The following CHODL variants were observed in gnomAD, a reference collection of about 807,000 sequenced individuals.
CHODL encodes chondrolectin, also known as transmembrane protein MT75.
CHODL carries 29 observed loss-of-function variants against 34.5 expected under a neutral mutation model. The observed-to-expected ratio is 0.84, with a 90% CI of 0.63 to 1.15. The LOEUF (loss-of-function observed/expected upper bound fraction) is 1.15. Among genes scored for constraint, CHODL ranks in the 50% most tolerant of loss-of-function variants. CHODL has a pLI of 0.00. For missense variants in CHODL, 332 were observed against 332.5 expected, an observed-to-expected ratio of 1.00 and a Z score of 0.01; for synonymous variants, 125 against 116.1, an observed-to-expected ratio of 1.08 and a Z score of -0.49.
intron 1 of CHODL, among the ~76,000 whole-genome samples, chr21:18,018,480 G>C (rs1334371483): frequency 1.3e-5 from 2 of 152,012 alleles, no homozygotes; most frequent in African/African-American, 2.4e-5. Flanking sequence ...AGAAGTGTGT[G>C]GCACCTTCAC....
At chr21:18,052,488 G>A (rs2064528042) in intron 2 of CHODL, among the ~76,000 whole-genome samples, 1 of 151,806 alleles carries the variant, frequency 6.6e-6, no homozygotes, top group Admixed American at 6.6e-5. Flanking sequence ...AAAACATTTT[G>A]ATAGTTCCTT....
intron 1 of CHODL, among the ~76,000 whole-genome samples, chr21:17,996,865 T>A (rs1600872122): frequency 6.6e-6 from 1 of 152,272 alleles, no homozygotes; most frequent in South Asian, 2.1e-4. Flanking sequence ...AACCTGAAAA[T>A]TTTAAATTTA....
chr21:18,206,961 G>A (rs1047093762), intron 2 of CHODL, among the ~76,000 whole-genome samples: 7 of 151,804 alleles, frequency 4.6e-5, no homozygotes, highest in Non-Finnish European at 8.8e-5. Context: ...AGGTATACAT[G>A]TGCCATGTTG....
intron 2 of CHODL, among the ~76,000 whole-genome samples, chr21:18,232,728 T>C (rs2073991314): frequency 1.3e-5 from 2 of 151,980 alleles, no homozygotes; most frequent in South Asian, 4.1e-4. Flanking sequence ...TATTTGGCTG[T>C]GTGATGGCTG....
intron 5 of CHODL, among the ~76,000 whole-genome samples, chr21:18,264,544 G>C (rs2074425288): frequency 6.7e-6 from 1 of 148,614 alleles, no homozygotes. Flanking sequence ...GGAGGTTGCA[G>C]TGAGCCGAGA....
Position 18,108,147 on chromosome 21 carries a change from C to CTT in CHODL, c.-45+80189_-45+80190dup, listed in dbSNP as rs67320180. ...ACAAGGCAGTTGCTCATCAGATTCA[C>CTT]TTTTTTTTTTTTTTATCATTTACTG... On this transcript the variant is annotated intron_variant, in intron 2 of 6. Transcript: ENST00000400127. 5.8e-3 allele frequency among the ~76,000 whole-genome samples: 849 copies of CTT among 147,436 alleles called. 6 individuals carry two copies. Among genetic ancestry groups the CTT allele is most frequent in the African/African-American group, 0.019 (766 of 40,138 alleles).
chr21:18,248,169 A>G (rs998435312), intron 1 of CHODL, among the ~76,000 whole-genome samples: 1 of 151,878 alleles, frequency 6.6e-6, no homozygotes, highest in African/African-American at 2.4e-5. Flanking sequence ...CACATGTTTT[A>G]TTTAGGAGAC....
At chr21:17,922,862 AC>A (rs1275111876) in intron 1 of CHODL, among the ~76,000 whole-genome samples, 4 of 152,198 alleles carry the variant, frequency 2.6e-5, no homozygotes, top group Non-Finnish European at 5.9e-5. Flanking sequence ...TCCTGAAGAC[AC>A]GTGCCCAAGG....
intron 2 of CHODL, among the ~76,000 whole-genome samples, chr21:18,172,099 A>C (rs2073239582): frequency 6.6e-6 from 1 of 152,160 alleles, no homozygotes. Context: ...ATTCCTAAGA[A>C]TATGTCAGAG....
chr21:17,925,325 T>C (rs1308656357), intron 1 of CHODL, among the ~76,000 whole-genome samples: 1 of 152,240 alleles, frequency 6.6e-6, no homozygotes, highest in East Asian at 1.9e-4. Flanking sequence ...CAGAGAGCTC[T>C]TAATACATAT....
intron 2 of CHODL, among the ~76,000 whole-genome samples, chr21:18,147,219 G>T (rs1474331096): frequency 6.6e-6 from 1 of 152,162 alleles, no homozygotes; most frequent in East Asian, 1.9e-4. Context: ...GTAATGTTCT[G>T]GTTTGGTTAT....
chr21:17,917,554 G>A (rs2063149664), intron 1 of CHODL, among the ~76,000 whole-genome samples: 1 of 151,774 alleles, frequency 6.6e-6, no homozygotes, highest in Non-Finnish European at 1.5e-5. Context: ...CTCTGGAGGG[G>A]ACACTTGGAA....
chr21:18,106,495 C>T (rs1384686333), intron 2 of CHODL, among the ~76,000 whole-genome samples: 1 of 117,138 alleles, frequency 8.5e-6, no homozygotes, highest in African/African-American at 3.5e-5. Context: ...TTTTCTTTTT[C>T]TTTTTCTTTT....
chr21:18,150,901 T>C lies in CHODL; in HGVS notation c.-44-105608T>C, dbSNP rs182460421. On this transcript the variant is annotated intron_variant, in intron 2 of 6. Coordinates refer to the CHODL transcript ENST00000400127. ...GAGTTCAAGACCAGCCTGGCCAAGA[T>C]GGTGAAACCCCGTCTCTACCAAAAA... 3.4e-4 allele frequency among the ~76,000 whole-genome samples: 51 copies of C among 151,818 alleles called. 1 individual carries two copies. The highest frequency in any genetic ancestry group is 1.1e-3 in the African/African-American group (47 of 41,420).
intron 2 of CHODL, among the ~76,000 whole-genome samples, chr21:18,149,362 C>G (rs9653744): frequency 0.016 from 2,441 of 152,306 alleles, 48 homozygotes; most frequent in African/African-American, 0.053. Context: ...GAGAAATACA[C>G]ACAATTGCTC....
intron 2 of CHODL, among the ~76,000 whole-genome samples, chr21:18,059,798 G>A (rs1403125403): frequency 2.6e-5 from 4 of 152,112 alleles, no homozygotes; most frequent in Admixed American, 6.5e-5. Flanking sequence ...AGTGAACAAT[G>A]AGAACAAACT....
chr21:18,037,241 G>A (rs2064322078), intron 2 of CHODL, among the ~76,000 whole-genome samples: 1 of 151,780 alleles, frequency 6.6e-6, no homozygotes, highest in Non-Finnish European at 1.5e-5. Context: ...AGATTTAATT[G>A]GCATCCAAGT....
chr21:18,045,830 T>C (rs751215228), intron 2 of CHODL, among the ~76,000 whole-genome samples: 4 of 151,922 alleles, frequency 2.6e-5, no homozygotes, highest in East Asian at 2.0e-4. Flanking sequence ...CCTTCTGCCA[T>C]GTGAGGACAC....
chr21:18,022,570 TAATC>T (rs2064137829), intron 1 of CHODL: 1 of 152,184 alleles, frequency 6.6e-6, no homozygotes. Context: ...ATCTCGAAAT[TAATC>T]AATAGGAAGG....
Sources: allele counts gnomAD v4.1 joint callset (sites outside exome capture counted in the v4.1 genomes callset), GRCh38; gene constraint gnomAD v4.1.1; transcripts MANE v1.5; gene names NCBI Gene and HGNC (gene_info 2026-07-23, HGNC 2026-07-21).